Variants in ATM observed in about 807,000 individuals in gnomAD.
The protein encoded by ATM is ATM serine/threonine kinase, also known as serine-protein kinase ATM.
ATM carries 308 observed loss-of-function variants against 387.0 expected under a neutral mutation model. That is an observed-to-expected ratio of 0.80 (90% CI 0.73 to 0.87). The LOEUF (loss-of-function observed/expected upper bound fraction) is 0.87, where lower values mean the gene tolerates loss of function less well. ATM is among the 40% of genes least tolerant of loss of function. ATM has a pLI of 0.00. For synonymous variants in ATM, 1,156 were observed against 1,187.3 expected (o/e 0.97, Z 0.54); for missense variants, 3,312 against 3,560.9 (o/e 0.93, Z 1.78).
Position 108,294,993 on chromosome 11 carries a change from AAGGAT to A in ATM, c.4844_4848del (p.Lys1615ThrfsTer9), listed in dbSNP as rs760996616. On this transcript the variant is annotated frameshift_variant, in exon 32 of 63. Transcript: ENST00000675843. LOFTEE classifies it high-confidence loss of function. The stretch of plus-strand genomic sequence containing the variant: ...TCCATTGACAAGACTTGAAGGACTA[AAGGAT>A]CTTCGAAGACAACTGGAACTACATA... 6.2e-7 allele frequency: 1 copy of A among 1,613,926 alleles called. No individual in the cohort carries two copies. The highest frequency in any genetic ancestry group is 2.2e-5 in the East Asian group (1 of 44,828).
intron 22 of ATM, among the ~76,000 whole-genome samples, chr11:108,273,057 T>A (rs1294289227): frequency 6.6e-6 from 1 of 152,230 alleles, no homozygotes; most frequent in East Asian, 1.9e-4. Flanking sequence ...AAATGAAAAC[T>A]GTGACTTAGT....
At chr11:108,230,812 C>A (rs974034017) in intron 4 of ATM, 4 of 152,358 alleles carry the variant, frequency 2.6e-5, no homozygotes, top group African/African-American at 9.6e-5. Context: ...GGTGATCCTC[C>A]TGCCTCAGCC....
chr11:108,252,465 C>G (rs781550496), intron 11 of ATM, among the ~76,000 whole-genome samples: 1 of 152,120 alleles, frequency 6.6e-6, no homozygotes, highest in Non-Finnish European at 1.5e-5. Context: ...TGGAGTCCCT[C>G]GTCCACTTAA....
intron 54 of ATM, among the ~76,000 whole-genome samples, chr11:108,334,700 C>A (rs2086638177): frequency 6.6e-6 from 1 of 152,104 alleles, no homozygotes; most frequent in South Asian, 2.1e-4. Context: ...CCAGAAAACT[C>A]CTTCTACTGT....
rs730881339 is a variant in ATM, at chr11:108,244,936, C to A, written c.811C>A (p.Leu271Ile). The change falls in exon 7 of 63, where the codon CTT becomes ATT. Residue 271 changes from leucine (L) to isoleucine (I), a missense_variant. Leu to Ile is a conservative substitution (Grantham distance 5). This residue lies in a region of ATM where 1,791 missense variants were observed against 1,804.5 expected (regional missense o/e 0.99). Coordinates refer to ENST00000675843, the MANE Select transcript of ATM (RefSeq NM_000051.4). ...TLLYIWTQHRLNDSLKEVIIE... is the reference protein window; with the variant it reads ...TLLYIWTQHRINDSLKEVIIE... Reference sequence around the variant, plus strand: ...GCTTTATATTTGGACTCAACATAGGCTTAATGATTCTTTAAAAGAAGTCAT... The same window carrying A: ...GCTTTATATTTGGACTCAACATAGGATTAATGATTCTTTAAAAGAAGTCAT... The A allele has an allele frequency of 1.8e-5, 29 of 1,613,090 alleles. No individual in the cohort carries two copies. The highest frequency in any genetic ancestry group is 2.4e-5 in the Non-Finnish European group (28 of 1,179,524).
rs760704159 is a variant in ATM at position 108,292,802 on chromosome 11, C to G, written c.4611+9C>G. 6 of 1,613,166 alleles carry G rather than the reference C, an allele frequency of 3.7e-6. No homozygotes were observed. The highest frequency in any genetic ancestry group is 5.1e-6 in the Non-Finnish European group (6 of 1,179,398). On this transcript the variant is annotated intron_variant, in intron 30 of 62. Coordinates refer to ENST00000675843, the MANE Select transcript of ATM (RefSeq NM_000051.4). ...TGGAGGTTCAGAAACAGGTAATTTT[C>G]TGACTCATCTTCAAAATGGTATTTA... is the stretch of plus-strand genomic sequence containing the variant.
intron 36 of ATM, among the ~76,000 whole-genome samples, chr11:108,304,192 A>G (rs2083562270): frequency 6.6e-6 from 1 of 152,248 alleles, no homozygotes. Flanking sequence ...GGGCTTATTA[A>G]AAAATAAACA....
rs2082371250 is a variant in ATM at position 108,284,213 on chromosome 11, T to G, written c.3747-14T>G. On this transcript the variant is annotated splice_polypyrimidine_tract_variant and intron_variant, in intron 25 of 62. Transcript: ENST00000675843. ...GTTATATATAACCTGTATTTTAAAT[T>G]TTTCTATTTTTAGATCTTGTTATAA... is the stretch of plus-strand genomic sequence containing the variant. 1 of 1,579,754 alleles carries G rather than the reference T, an allele frequency of 6.3e-7. No individual in the cohort carries two copies. Among genetic ancestry groups the G allele is most frequent in the Admixed American group, 1.7e-5 (1 of 58,278 alleles).
At chr11:108,249,928 T>A (rs1324637224) in intron 9 of ATM, among the ~76,000 whole-genome samples, 2 of 152,180 alleles carry the variant, frequency 1.3e-5, no homozygotes, top group Non-Finnish European at 2.9e-5. Flanking sequence ...TGTTATGGGC[T>A]AAGCGTTAGA....
At chr11:108,312,120 C>G (rs1455946990) in intron 39 of ATM, among the ~76,000 whole-genome samples, 1 of 152,098 alleles carries the variant, frequency 6.6e-6, no homozygotes, top group Non-Finnish European at 1.5e-5. Flanking sequence ...GTATATAGTA[C>G]CTGAATTGGA....
intron 34 of ATM, 80 bp downstream of exon 34, chr11:108,299,965 C>CA (rs1366252242): frequency 7.4e-7 from 1 of 1,348,038 alleles, no homozygotes; most frequent in African/African-American, 1.4e-5. Flanking sequence ...TAGATATTCT[C>CA]AGTAACTAAA....
At chr11:108,353,020 C>T (rs947401330) in intron 59 of ATM, among the ~76,000 whole-genome samples, 2 of 151,864 alleles carry the variant, frequency 1.3e-5, no homozygotes, top group African/African-American at 2.4e-5. Flanking sequence ...TTGACTGCAT[C>T]GATGTCAGTA....
At chr11:108,348,862 A>C (rs1169136920) in intron 59 of ATM, among the ~76,000 whole-genome samples, 1 of 152,244 alleles carries the variant, frequency 6.6e-6, no homozygotes, top group African/African-American at 2.4e-5. Context: ...GTAGATGCTA[A>C]GAATCAGGAT....
At chr11:108,327,888 A>G (rs2085844045) in intron 48 of ATM, 130 bp downstream of exon 48, 1 of 792,964 alleles carries the variant, frequency 1.3e-6, no homozygotes, top group Non-Finnish European at 2.1e-6. Context: ...TTACTGTTGT[A>G]GCTCTGTATA....
chr11:108,355,771 A>G (rs1565584405), intron 61 of ATM: 1 of 152,230 alleles, frequency 6.6e-6, no homozygotes, highest in Non-Finnish European at 1.5e-5. Context: ...CCTACTGTTC[A>G]ACTAGGATAT....
At position 108,223,114 on chromosome 11, in the gene ATM, A is replaced by G. The variant is rs1591430844; in HGVS notation, c.-103A>G. On this transcript the variant is annotated 5_prime_UTR_variant, in exon 1 of 63. Coordinates refer to ENST00000675843, the MANE Select transcript of ATM (RefSeq NM_000051.4). ...GAAAAGAAGCCGTGGCCGCGGGAGG[A>G]GGCGAGAGGAGTCGGGATCTGCGCT... The G allele has an allele frequency of 5.4e-6, 1 of 185,736 alleles. No homozygotes were observed. The highest frequency in any genetic ancestry group is 1.5e-4 in the East Asian group (1 of 6,724). The allele number at this position is 185,736 out of a possible 1,614,324, so 11.5% of individuals were successfully genotyped here.
intron 10 of ATM, 102 bp from the exon 11 acceptor site, chr11:108,251,735 A>G (rs1446780111): frequency 1.3e-5 from 14 of 1,116,620 alleles, no homozygotes; most frequent in Non-Finnish European, 1.8e-5. Flanking sequence ...ATGTTCATTT[A>G]GTCACCTTAA....
chr11:108,330,775 A>T (rs2086167138), intron 50 of ATM, among the ~76,000 whole-genome samples: 1 of 152,202 alleles, frequency 6.6e-6, no homozygotes, highest in Non-Finnish European at 1.5e-5. Context: ...GTTAAAGATG[A>T]TGTGATCACA....
intron 53 of ATM, 53 bp from the exon 54 acceptor site, chr11:108,333,833 C>A: frequency 7.1e-7 from 1 of 1,398,692 alleles, no homozygotes; most frequent in South Asian, 1.2e-5. Flanking sequence ...CCTGCTTGAC[C>A]TTCAATGCTG....
Sources: allele counts gnomAD v4.1 joint callset (sites outside exome capture counted in the v4.1 genomes callset), GRCh38; gene constraint gnomAD v4.1.1; regional missense constraint gnomAD v4.1.1; transcripts MANE v1.5; gene names NCBI Gene and HGNC (gene_info 2026-07-23, HGNC 2026-07-21).